Variants in HMCN1 observed in about 807,000 individuals in gnomAD.
HMCN1 encodes the protein hemicentin 1, also known as hemicentin-1.
A neutral mutation model predicts 625.9 loss-of-function variants in HMCN1; 321 were observed. The observed-to-expected ratio is 0.51, with a 90% confidence interval of 0.47 to 0.56. The LOEUF (loss-of-function observed/expected upper bound fraction) is 0.56, where lower values mean the gene tolerates loss of function less well. Ranked by LOEUF, HMCN1 falls within the 20% of genes least tolerant of loss-of-function variation. The pLI is 0.00. For synonymous variants in HMCN1, 2,425 were observed against 2,417.6 expected (o/e 1.00, Z -0.09); for missense variants, 6,588 against 6,887.3 (o/e 0.96, Z 1.54).
rs551177452 is a variant in HMCN1, at chr1:186,038,855, C to T, written c.5878C>T (p.Leu1960=). ...TATTACATGGTACAAAGATAATCGT[C>T]TACTCTCAGGTTCCACCAGCATGAC... ...PVITWYKDNR[L]LSGSTSMTFL... Residue 1960 remains leucine, a synonymous_variant, in exon 38 of 107, where the codon CTA becomes TTA. Transcript: ENST00000271588. 6.2e-7 allele frequency: 1 copy of T among 1,604,380 alleles called. No individual in the cohort carries two copies. The highest frequency in any genetic ancestry group is 2.2e-5 in the East Asian group (1 of 44,774).
chr1:185,906,951 A>ATTT (rs573094693), intron 4 of HMCN1, among the ~76,000 whole-genome samples: 32 of 108,660 alleles, frequency 2.9e-4, no homozygotes, highest in African/African-American at 8.6e-4. Context: ...AATCCTTTCT[A>ATTT]TTTTTTTTTT....
intron 6 of HMCN1, among the ~76,000 whole-genome samples, chr1:185,916,376 CTCTAAG>C: frequency 6.6e-6 from 1 of 152,218 alleles, no homozygotes; most frequent in South Asian, 2.1e-4. Flanking sequence ...TACTTAACCT[CTCTAAG>C]TCTGAGGAAA....
At chr1:186,053,699 G>C in intron 43 of HMCN1, 126 bp from the exon 44 acceptor site, 2 of 899,952 alleles carry the variant, frequency 2.2e-6, no homozygotes, top group East Asian at 5.2e-5. Context: ...CACTAGGGCA[G>C]GATTATTTTA....
chr1:185,918,141 G>A (rs1183352966), intron 6 of HMCN1, among the ~76,000 whole-genome samples: 4 of 152,192 alleles, frequency 2.6e-5, no homozygotes, highest in Non-Finnish European at 5.9e-5. Flanking sequence ...TAGGCCATCT[G>A]CAAGCTGGGG....
Position 186,081,257 on chromosome 1 carries a change from G to A in HMCN1, c.8650G>A (p.Val2884Met), listed in dbSNP as rs919412657. 11 of 1,613,514 alleles carry A rather than the reference G, an allele frequency of 6.8e-6. No homozygotes were observed. The highest frequency in any genetic ancestry group is 2.2e-5 in the East Asian group (1 of 44,872). Reference sequence around the variant, plus strand: ...TAGTGATCTCCCTGAAGAGGTCACCGTGCTGGTGAACAAGAGTGCACTGAT... The same window carrying A: ...TAGTGATCTCCCTGAAGAGGTCACCATGCTGGTGAACAAGAGTGCACTGAT... ...ANSDLPEEVT[V>M]LVNKSALIEC... The change falls in exon 56 of 107, where the codon GTG becomes ATG. Residue 2884 changes from valine to methionine, a missense_variant. By Grantham distance (21) the Val-to-Met change is conservative. This residue lies in a region of HMCN1 where 4,628 missense variants were observed against 4,853.1 expected (regional missense o/e 0.95). Transcript: ENST00000271588.
intron 4 of HMCN1, among the ~76,000 whole-genome samples, chr1:185,885,061 T>A (rs1294981074): frequency 3.3e-5 from 5 of 151,188 alleles, no homozygotes; most frequent in African/African-American, 9.8e-5. Flanking sequence ...TATAATGCCA[T>A]CCTTGGACAT....
At position 186,057,225 on chromosome 1, in the gene HMCN1, G is replaced by A. The variant is rs1221656100; in HGVS notation, c.7145-9G>A. 1 of 1,607,744 alleles carries A rather than the reference G, an allele frequency of 6.2e-7. No individual in the cohort carries two copies. The highest frequency in any genetic ancestry group is 8.5e-7 in the Non-Finnish European group (1 of 1,175,104). ...TTCCATTCCCTGTTTGTTTTATTTT[G>A]TCTTACAGCTCCTCCAAGCATCATA... On this transcript the variant is annotated splice_polypyrimidine_tract_variant and intron_variant, in intron 45 of 106. Transcript: ENST00000271588.
Position 185,989,866 on chromosome 1 carries a change from T to G in HMCN1, c.3208+219T>G, listed in dbSNP as rs565855059. ...TCTGATTTTAAGGAATGCAATTGTATAGTCTTTCGGAAAAATTTTATGGTG... is the reference window on the plus strand; with the variant it reads ...TCTGATTTTAAGGAATGCAATTGTAGAGTCTTTCGGAAAAATTTTATGGTG... On this transcript the variant is annotated intron_variant, in intron 21 of 106. Coordinates refer to ENST00000271588, the MANE Select transcript of HMCN1 (RefSeq NM_031935.3). Among the ~76,000 whole-genome samples, 350 of 151,916 alleles carry G rather than the reference T, an allele frequency of 2.3e-3. 1 individual carries two copies. Among genetic ancestry groups the G allele is most frequent in the African/African-American group, 8.1e-3 (334 of 41,398 alleles).
At chr1:186,086,593 G>A (rs563299501) in intron 58 of HMCN1, among the ~76,000 whole-genome samples, 186 bp downstream of exon 58, 2 of 152,054 alleles carry the variant, frequency 1.3e-5, no homozygotes, top group Non-Finnish European at 2.9e-5. Flanking sequence ...ATTTTAGTGG[G>A]AATGTACAAA....
At position 186,189,952 on chromosome 1, in the gene HMCN1, G is replaced by A. The variant is rs1571492731; in HGVS notation, c.*74G>A. ...CAATCAAGCCCCCTTCCAGATTACT[G>A]TCTCTTGAACAGTTGCAATCTTGGC... On this transcript the variant is annotated 3_prime_UTR_variant, in exon 107 of 107. Transcript: ENST00000271588. 8 of 1,551,328 alleles carry A rather than the reference G, an allele frequency of 5.2e-6. No homozygotes were observed. In the East Asian group the frequency reaches 1.8e-4, roughly 35 times the overall value.
rs574181236 is a variant in HMCN1 at position 186,108,604 on chromosome 1, T to A, written c.10989+7T>A. ...AAATGGAGAACGGTTACAGGTAAAT[T>A]TTTTGATAAGCTCCACAAATTCCTT... On this transcript the variant is annotated splice_region_variant and intron_variant, in intron 71 of 106. Transcript: ENST00000271588. The A allele has an allele frequency of 9.9e-6, 16 of 1,614,058 alleles. No individual in the cohort carries two copies. In the African/African-American group the frequency reaches 1.9e-4, roughly 19 times the overall value.
intron 4 of HMCN1, among the ~76,000 whole-genome samples, chr1:185,907,908 T>C (rs1319551884): frequency 6.6e-6 from 1 of 150,490 alleles, no homozygotes; most frequent in East Asian, 1.9e-4. Flanking sequence ...ATTATTACCA[T>C]TATGACCAAT....
chr1:186,172,489 T>C (rs1182899661), intron 102 of HMCN1, among the ~76,000 whole-genome samples: 2 of 152,132 alleles, frequency 1.3e-5, no homozygotes, highest in Non-Finnish European at 2.9e-5. Context: ...TCTGTAGAGA[T>C]TAAAATTCAA....
intron 1 of HMCN1, among the ~76,000 whole-genome samples, chr1:185,845,797 C>G (rs1208453): frequency 3.7e-3 from 558 of 152,290 alleles, no homozygotes; most frequent in Non-Finnish European, 5.7e-3. Context: ...TTTTACTCCT[C>G]CTTGCATTTC....
intron 1 of HMCN1, among the ~76,000 whole-genome samples, chr1:185,807,670 T>C (rs1040795043): frequency 6.6e-6 from 1 of 152,212 alleles, no homozygotes; most frequent in African/African-American, 2.4e-5. Flanking sequence ...ATGTTATTTA[T>C]AATTTGTGAG....
chr1:185,829,513 G>A (rs1660727544), intron 1 of HMCN1, among the ~76,000 whole-genome samples: 1 of 151,950 alleles, frequency 6.6e-6, no homozygotes, highest in African/African-American at 2.4e-5. Flanking sequence ...TCGGTGTTTG[G>A]TTTTCTATTC....
chr1:185,816,066 C>T (rs115034005), intron 1 of HMCN1, among the ~76,000 whole-genome samples: 2,906 of 142,954 alleles, frequency 0.02, 388 homozygotes, highest in African/African-American at 0.081. Flanking sequence ...ACCAGTAGAG[C>T]AAGGAATTAT....
chr1:186,131,419 A>G (rs1301995398), intron 85 of HMCN1, among the ~76,000 whole-genome samples: 1 of 151,966 alleles, frequency 6.6e-6, no homozygotes, highest in Non-Finnish European at 1.5e-5. Flanking sequence ...CTTTTCCTCT[A>G]TTACTATTTC....
chr1:186,171,976 A>C, intron 101 of HMCN1, 30 bp from the exon 102 acceptor site: 1 of 1,605,412 alleles, frequency 6.2e-7, no homozygotes. Context: ...TAATTTTCTT[A>C]ATCTACATTA....
Sources: allele counts gnomAD v4.1 joint callset (sites outside exome capture counted in the v4.1 genomes callset), GRCh38; gene constraint gnomAD v4.1.1; regional missense constraint gnomAD v4.1.1; transcripts MANE v1.5; gene names NCBI Gene and HGNC (gene_info 2026-07-23, HGNC 2026-07-21).